Variants in NEBL observed in about 807,000 individuals in gnomAD.
The protein encoded by NEBL is LIM and SH3 protein 2.
Under a neutral mutation model 140.2 loss-of-function variants are expected in NEBL, and 122 were observed. The ratio of observed to expected loss-of-function variants is 0.87; its 90% CI spans 0.75 to 1.01. NEBL has a LOEUF of 1.01. Among genes scored for constraint, NEBL ranks in the 50% least tolerant of loss-of-function variants. NEBL has a pLI of 0.00. For synonymous variants in NEBL, 436 were observed against 398.9 expected (o/e 1.09, Z -1.11); for missense variants, 1,365 against 1,231.3 (o/e 1.11, Z -1.62).
In NEBL at chr10:20,785,857, C is replaced by T. The variant is rs1835361733; in HGVS notation, c.2935G>A (p.Asp979Asn). 1 of 1,613,990 alleles carries T rather than the reference C, an allele frequency of 6.2e-7. No homozygotes were observed. Among genetic ancestry groups the T allele is most frequent in the Non-Finnish European group, 8.5e-7 (1 of 1,179,964 alleles). Residue 979 changes from aspartate to asparagine, a missense_variant, in exon 28 of 28, where the codon GAC becomes AAC. Physicochemically the swap from Asp to Asn is conservative, Grantham distance 23. Transcript: ENST00000377122. ...DEDEVSFRDG[D>N]YIVNVQPIDD... is the part of the protein sequence containing the mutation. Reference sequence around the variant, plus strand: ...ATAGGCTGCACGTTGACGATGTAGTCGCCGTCTCTAAAGGAGACCTCGTCT... The same window carrying T: ...ATAGGCTGCACGTTGACGATGTAGTTGCCGTCTCTAAAGGAGACCTCGTCT...
rs1334618137 is a variant in NEBL at position 20,939,620 on chromosome 10, A to T, written c.357+22052T>A. 2.6e-5 allele frequency among the ~76,000 whole-genome samples: 4 copies of T among 152,338 alleles called. No homozygotes were observed. In the East Asian group the frequency reaches 7.7e-4, roughly 29 times the overall value. On this transcript the variant is annotated intron_variant, in intron 4 of 6. Transcript: ENST00000417816. ...AAACGTAAATGGGCTAAATGCTCCA[A>T]TTAAAAGGCACAGACTGGCAAATTG... is the stretch of plus-strand genomic sequence containing the variant.
intron 4 of NEBL, among the ~76,000 whole-genome samples, chr10:20,908,512 C>A (rs1442252000): frequency 6.6e-6 from 1 of 152,188 alleles, no homozygotes; most frequent in Non-Finnish European, 1.5e-5. Flanking sequence ...GATCCTTGAT[C>A]TAGCAGGAAC....
At chr10:21,074,573 G>T (rs992921157) in intron 2 of NEBL, among the ~76,000 whole-genome samples, 1 of 151,132 alleles carries the variant, frequency 6.6e-6, no homozygotes, top group East Asian at 2.0e-4. Context: ...TTCCTCCTGG[G>T]TTCAAGCGAT....
chr10:20,978,417 A>T (rs1355325822), intron 3 of NEBL, among the ~76,000 whole-genome samples: 1 of 146,924 alleles, frequency 6.8e-6, no homozygotes, highest in Non-Finnish European at 1.5e-5. Context: ...TAAAATTAAC[A>T]AGAAAAGCTA....
intron 26 of NEBL, 113 bp downstream of exon 26, chr10:20,808,397 C>A: frequency 3.7e-6 from 4 of 1,083,664 alleles, no homozygotes; most frequent in East Asian, 2.5e-5. Flanking sequence ...TTTAAATTCT[C>A]AAATACAGCC....
Position 21,262,113 on chromosome 10 carries a change from G to A in NEBL, n.183-10285C>T, listed in dbSNP as rs537603412. Among the ~76,000 whole-genome samples, 110 of 152,242 alleles carry A rather than the reference G, an allele frequency of 7.2e-4. 1 individual carries two copies. Among genetic ancestry groups the A allele is most frequent in the African/African-American group, 2.6e-3 (108 of 41,544 alleles). ...TTTGTCTTATTATCCTGGCACACAC[G>A]CCTGGTGATCCCTGGCTTAGCTGGC... On this transcript the variant is annotated intron_variant and non_coding_transcript_variant, in intron 1 of 8. Transcript: ENST00000675702.
At chr10:21,270,509 G>A (rs779269622) in intron 1 of NEBL, among the ~76,000 whole-genome samples, 1 of 152,014 alleles carries the variant, frequency 6.6e-6, no homozygotes, top group African/African-American at 2.4e-5. Flanking sequence ...TGGGATTACA[G>A]GTGTGCGCCA....
At chr10:21,177,219 T>C (rs1054505623), upstream of NEBL, among the ~76,000 whole-genome samples, 64 of 152,364 alleles carry the variant, frequency 4.2e-4, no homozygotes, top group African/African-American at 1.4e-3. Flanking sequence ...GCCCCTGTTC[T>C]CCCACCTTTT....
intron 3 of NEBL, among the ~76,000 whole-genome samples, chr10:21,238,716 TAAAAAAAAAA>T (rs35732687): frequency 2.1e-5 from 2 of 94,502 alleles, no homozygotes; most frequent in African/African-American, 3.8e-5. Flanking sequence ...TCAAAAAAAT[TAAAAAAAAAA>T]AAAAAAAAAA....
rs761441186 is a variant in NEBL at position 20,869,732 on chromosome 10, G to A, written c.582+8C>T. ...CATTTCCGTTCAAGGTTTAGAAAGA[G>A]AAGTTACATTGCTTATGATCTTAGA... is the stretch of plus-strand genomic sequence containing the variant. On this transcript the variant is annotated splice_region_variant and intron_variant, in intron 6 of 27. Transcript: ENST00000377122. The A allele has an allele frequency of 6.3e-7, 1 of 1,582,122 alleles. No homozygotes were observed. The highest frequency in any genetic ancestry group is 8.7e-7 in the Non-Finnish European group (1 of 1,150,974).
At chr10:20,786,261 C>G (rs1835398143) in intron 27 of NEBL, among the ~76,000 whole-genome samples, 1 of 152,114 alleles carries the variant, frequency 6.6e-6, no homozygotes, top group South Asian at 2.1e-4. Context: ...CTTCAGAGAA[C>G]AAAACTCGTC....
chr10:20,960,115 A>C (rs1033181017), intron 4 of NEBL, among the ~76,000 whole-genome samples: 10 of 152,098 alleles, frequency 6.6e-5, no homozygotes, highest in Non-Finnish European at 1.5e-4. Flanking sequence ...TCCTTATGTT[A>C]GCTGTCACAT....
chr10:21,231,914 G>T (rs1589339704), intron 3 of NEBL, among the ~76,000 whole-genome samples: 1 of 152,106 alleles, frequency 6.6e-6, no homozygotes, highest in South Asian at 2.1e-4. Flanking sequence ...AGGATGGGAG[G>T]CCAGACACAC....
chr10:20,914,972 T>A (rs1043169859), intron 4 of NEBL, among the ~76,000 whole-genome samples: 2 of 145,268 alleles, frequency 1.4e-5, no homozygotes, highest in African/African-American at 5.1e-5. Context: ...GGCTGGGATT[T>A]TTTTTTTTTT....
intron 3 of NEBL, among the ~76,000 whole-genome samples, chr10:20,992,280 A>G (rs1326648556): frequency 6.6e-6 from 1 of 152,162 alleles, no homozygotes; most frequent in Non-Finnish European, 1.5e-5. Flanking sequence ...CCTAAGTTTC[A>G]TCAATTTTCC....
chr10:21,265,621 A>G (rs745576596), intron 1 of NEBL, among the ~76,000 whole-genome samples: 10 of 152,254 alleles, frequency 6.6e-5, no homozygotes, highest in South Asian at 6.2e-4. Context: ...AAGAAAGCCA[A>G]TAGTGCGTTA....
intron 16 of NEBL, among the ~76,000 whole-genome samples, chr10:20,830,631 TTTAATA>T (rs1172588983): frequency 1.3e-5 from 2 of 152,098 alleles, no homozygotes; most frequent in African/African-American, 4.8e-5. Context: ...TTGGAACTAT[TTTAATA>T]TTAATATTCA....
At chr10:21,229,172 G>A (rs1842211002) in intron 3 of NEBL, among the ~76,000 whole-genome samples, 1 of 152,166 alleles carries the variant, frequency 6.6e-6, no homozygotes, top group African/African-American at 2.4e-5. Context: ...TGTAATCCCA[G>A]CACTTTGGGA....
intron 12 of NEBL, 107 bp from the exon 13 acceptor site, chr10:20,840,956 G>A: frequency 1.4e-6 from 1 of 718,130 alleles, no homozygotes; most frequent in Non-Finnish European, 2.4e-6. Context: ...ATATTACTAG[G>A]AAGGAATGAA....
Sources: gnomAD v4.1 joint callset for allele counts (sites outside exome capture counted in the v4.1 genomes callset) on GRCh38, gnomAD v4.1.1 for gene constraint, MANE v1.5 for transcripts, NCBI Gene and HGNC (gene_info 2026-07-23, HGNC 2026-07-21) for gene names.